ANO3: variants seen among roughly 807,000 people sequenced by gnomAD.
The protein encoded by ANO3 is anoctamin-3.
Under a neutral mutation model 144.8 loss-of-function variants are expected in ANO3, and 99 were observed. The observed-to-expected ratio is 0.68, with a 90% CI of 0.58 to 0.81. ANO3 has a LOEUF of 0.81. Among genes scored for constraint, ANO3 ranks in the 30% least tolerant of loss-of-function variants. The pLI is 0.00. For missense variants in ANO3, 905 were observed against 1,202.2 expected, an observed-to-expected ratio of 0.75 and a Z score of 3.66; for synonymous variants, 414 against 392.6, an observed-to-expected ratio of 1.05 and a Z score of -0.64.
At chr11:26,302,364 G>A (rs548878374) in intron 1 of ANO3, among the ~76,000 whole-genome samples, 3 of 152,184 alleles carry the variant, frequency 2.0e-5, no homozygotes, top group Non-Finnish European at 2.9e-5. Flanking sequence ...GCATGGTGAC[G>A]CACGCCTGTA....
At chr11:26,316,559 T>C (rs1854629699) in intron 1 of ANO3, among the ~76,000 whole-genome samples, 1 of 152,096 alleles carries the variant, frequency 6.6e-6, no homozygotes, top group African/African-American at 2.4e-5. Context: ...TTGCAAACAA[T>C]CAATAGAAGC....
rs962643853 is a variant in ANO3, at chr11:26,588,066, A to G, written c.1448-10299A>G. On this transcript the variant is annotated intron_variant, in intron 14 of 26. Transcript: ENST00000256737. Reference sequence around the variant, plus strand: ...ATTATTTTCTGTAATTTTTAGGTATAATTTGCATAAGAGTGAAATCCACAG... The same window carrying G: ...ATTATTTTCTGTAATTTTTAGGTATGATTTGCATAAGAGTGAAATCCACAG... Among the ~76,000 whole-genome samples the G allele has an allele frequency of 2.2e-4, 34 of 152,180 alleles. 1 individual carries two copies. Among genetic ancestry groups the G allele is most frequent in the African/African-American group, 8.2e-4 (34 of 41,434 alleles).
intron 1 of ANO3, among the ~76,000 whole-genome samples, chr11:26,299,077 G>A (rs1854158040): frequency 6.6e-6 from 1 of 152,180 alleles, no homozygotes; most frequent in African/African-American, 2.4e-5. Flanking sequence ...CATGAGACAG[G>A]ATGAAATTAC....
intron 1 of ANO3, among the ~76,000 whole-genome samples, chr11:26,336,833 A>G (rs1855207089): frequency 6.6e-6 from 1 of 152,156 alleles, no homozygotes; most frequent in South Asian, 2.1e-4. Flanking sequence ...CTATTCTTTT[A>G]TTTATGACTA....
chr11:26,505,979 C>G (rs1207484805), intron 4 of ANO3, among the ~76,000 whole-genome samples: 1 of 107,954 alleles, frequency 9.3e-6, no homozygotes, highest in African/African-American at 3.9e-5. Flanking sequence ...GGCTACAGAG[C>G]GAGACTCTGT....
chr11:26,586,202 G>A (rs1851270160), intron 14 of ANO3, among the ~76,000 whole-genome samples: 3 of 152,044 alleles, frequency 2.0e-5, no homozygotes, highest in Admixed American at 2.0e-4. Flanking sequence ...TGACTTAATT[G>A]GTCTAAAGTG....
chr11:26,434,412 T>C (rs907904519), intron 1 of ANO3, among the ~76,000 whole-genome samples: 2 of 152,156 alleles, frequency 1.3e-5, no homozygotes, highest in Non-Finnish European at 2.9e-5. Flanking sequence ...GAATGATTTG[T>C]TATCTCTCGT....
intron 3 of ANO3, among the ~76,000 whole-genome samples, chr11:26,451,369 G>C (rs1279841359): frequency 6.6e-6 from 1 of 152,138 alleles, no homozygotes; most frequent in African/African-American, 2.4e-5. Context: ...GGAAAATCGG[G>C]TCACTCCCAC....
chr11:26,486,919 G>A (rs1860473960), intron 4 of ANO3, among the ~76,000 whole-genome samples: 1 of 152,194 alleles, frequency 6.6e-6, no homozygotes, highest in Non-Finnish European at 1.5e-5. Context: ...CCAAACGTTT[G>A]TTGAGTACTA....
intron 18 of ANO3, among the ~76,000 whole-genome samples, chr11:26,630,698 A>T (rs557716690): frequency 6.6e-6 from 1 of 152,254 alleles, no homozygotes; most frequent in Admixed American, 6.5e-5. Flanking sequence ...CTTAGTCGAG[A>T]TATAGTTTTC....
At chr11:26,531,177 C>A in intron 7 of ANO3, 28 bp from the exon 8 acceptor site, 1 of 1,612,802 alleles carries the variant, frequency 6.2e-7, no homozygotes, top group Non-Finnish European at 8.5e-7. Flanking sequence ...ACAACCTAAT[C>A]TAGTTCTCAA....
At chr11:26,586,723 C>T (rs1486103088) in intron 14 of ANO3, among the ~76,000 whole-genome samples, 4 of 149,802 alleles carry the variant, frequency 2.7e-5, no homozygotes, top group African/African-American at 4.9e-5. Context: ...CAGATGGTCT[C>T]GACCTCCTGA....
At chr11:26,398,893 C>T (rs1400191746) in intron 1 of ANO3, among the ~76,000 whole-genome samples, 1 of 151,982 alleles carries the variant, frequency 6.6e-6, no homozygotes, top group Non-Finnish European at 1.5e-5. Flanking sequence ...ACAAAGCAGA[C>T]AGGACCAGTT....
At chr11:26,256,823 T>C (rs1314821781) in intron 1 of ANO3, among the ~76,000 whole-genome samples, 1 of 152,110 alleles carries the variant, frequency 6.6e-6, no homozygotes, top group Non-Finnish European at 1.5e-5. Context: ...ATTATTTAAA[T>C]AAATGGTTCA....
chr11:26,363,272 C>A (rs951643028), intron 1 of ANO3, among the ~76,000 whole-genome samples: 2 of 151,984 alleles, frequency 1.3e-5, no homozygotes, highest in Non-Finnish European at 2.9e-5. Flanking sequence ...TTGTTGATGC[C>A]CATTATTAGG....
At chr11:26,505,230 A>G (rs1017560731) in intron 4 of ANO3, among the ~76,000 whole-genome samples, 2 of 151,234 alleles carry the variant, frequency 1.3e-5, no homozygotes, top group African/African-American at 4.9e-5. Flanking sequence ...AAAGAGCTAG[A>G]AAAAAAAAGA....
Position 26,559,787 on chromosome 11 carries a change from CT to C in ANO3, c.1447+11del. On this transcript the variant is annotated intron_variant, in intron 14 of 26. Coordinates refer to ENST00000256737, the MANE Select transcript of ANO3 (RefSeq NM_031418.4). ...TTTTTATGGCAATATGGGGTAAGTA[CT>C]TTCTTCATTACTTTCTATCCCTTAT... The C allele has an allele frequency of 6.3e-7, 1 of 1,592,004 alleles. No homozygotes were observed. Among genetic ancestry groups the C allele is most frequent in the Non-Finnish European group, 8.6e-7 (1 of 1,162,214 alleles).
chr11:26,625,087 G>A (rs10835028), intron 18 of ANO3, among the ~76,000 whole-genome samples: 36,952 of 151,852 alleles, frequency 0.24, 5,658 homozygotes, highest in South Asian at 0.45. Flanking sequence ...CACCACGTCC[G>A]GCTCATTTTT....
intron 4 of ANO3, chr11:26,473,899 A>G: frequency 1.0e-6 from 1 of 982,974 alleles, no homozygotes; most frequent in Non-Finnish European, 1.2e-6. Flanking sequence ...TATCTTTAAA[A>G]AAAAATGATT....
Sources: gnomAD v4.1 joint callset for allele counts (sites outside exome capture counted in the v4.1 genomes callset) on GRCh38, gnomAD v4.1.1 for gene constraint, MANE v1.5 for transcripts, NCBI Gene and HGNC (gene_info 2026-07-23, HGNC 2026-07-21) for gene names.